The following SCFD2 variants were observed in gnomAD, a reference collection of about 807,000 sequenced individuals.
SCFD2 encodes the protein sec1 family domain-containing protein 2.
A neutral mutation model predicts 58.9 loss-of-function variants in SCFD2; 54 were observed. The observed-to-expected ratio is 0.92, with a 90% CI of 0.74 to 1.15. SCFD2 has a LOEUF of 1.15. Among genes scored for constraint, SCFD2 ranks in the 50% most tolerant of loss-of-function variants. The pLI is 0.00. For missense variants in SCFD2, 805 were observed against 836.6 expected, an observed-to-expected ratio of 0.96 and a Z score of 0.47; for synonymous variants, 321 against 335.9, an observed-to-expected ratio of 0.96 and a Z score of 0.49.
At chr4:52,986,432 C>T (rs998721573) in intron 5 of SCFD2, among the ~76,000 whole-genome samples, 19 of 149,960 alleles carry the variant, frequency 1.3e-4, no homozygotes, top group Non-Finnish European at 2.1e-4. Context: ...CTGGGTGTTA[C>T]AGGGGATGAA....
intron 2 of SCFD2, among the ~76,000 whole-genome samples, chr4:53,331,771 A>G (rs1321321841): frequency 6.6e-6 from 1 of 152,214 alleles, no homozygotes; most frequent in Non-Finnish European, 1.5e-5. Context: ...GGAAATAGAG[A>G]CACAAAAAAC....
intron 5 of SCFD2, among the ~76,000 whole-genome samples, chr4:53,094,172 C>A (rs1022508134): frequency 6.6e-6 from 1 of 152,026 alleles, no homozygotes; most frequent in Non-Finnish European, 1.5e-5. Flanking sequence ...AACTCTTAAC[C>A]AAAGTTCATC....
chr4:53,097,225 A>G (rs1306280900), intron 5 of SCFD2, among the ~76,000 whole-genome samples: 1 of 152,160 alleles, frequency 6.6e-6, no homozygotes, highest in African/African-American at 2.4e-5. Context: ...TATGAACTTT[A>G]AAGTTGTTTT....
chr4:53,104,320 T>C (rs1436146277), intron 5 of SCFD2, among the ~76,000 whole-genome samples: 1 of 152,166 alleles, frequency 6.6e-6, no homozygotes, highest in Non-Finnish European at 1.5e-5. Flanking sequence ...AAAATTTATA[T>C]CACCAATCTA....
intron 4 of SCFD2, among the ~76,000 whole-genome samples, chr4:53,209,297 G>A (rs2148978303): frequency 6.6e-6 from 1 of 152,278 alleles, no homozygotes; most frequent in Non-Finnish European, 1.5e-5. Context: ...TACACTAGAT[G>A]AGGGGGCGGC....
At chr4:53,122,845 T>C (rs1373313150) in intron 5 of SCFD2, among the ~76,000 whole-genome samples, 2 of 152,194 alleles carry the variant, frequency 1.3e-5, no homozygotes, top group East Asian at 3.8e-4. Context: ...TTCTAAATGT[T>C]TTCATGTTTA....
At chr4:53,046,251 C>G (rs1308586269) in intron 5 of SCFD2, among the ~76,000 whole-genome samples, 1 of 152,110 alleles carries the variant, frequency 6.6e-6, no homozygotes, top group Non-Finnish European at 1.5e-5. Context: ...GATGTGGTCT[C>G]ATTCTGTCAC....
intron 4 of SCFD2, among the ~76,000 whole-genome samples, chr4:53,215,866 T>C (rs1388602918): frequency 6.6e-6 from 1 of 152,110 alleles, no homozygotes; most frequent in Admixed American, 6.6e-5. Context: ...GGGCTGCTAA[T>C]TTTATCAAAG....
At chr4:52,967,586 C>T (rs1720990405) in intron 5 of SCFD2, among the ~76,000 whole-genome samples, 1 of 152,224 alleles carries the variant, frequency 6.6e-6, no homozygotes, top group African/African-American at 2.4e-5. Context: ...TGTAATGTCT[C>T]TCAGTTCCTG....
chr4:53,256,185 G>A (rs1418780342), intron 4 of SCFD2, among the ~76,000 whole-genome samples: 7 of 150,126 alleles, frequency 4.7e-5, no homozygotes, highest in African/African-American at 7.5e-5. Context: ...GCTGCCGGGC[G>A]GAGGGACTCC....
intron 1 of SCFD2, 139 bp downstream of exon 1, chr4:53,364,960 GAGATT>G (rs1734650063): frequency 7.4e-6 from 7 of 949,500 alleles, no homozygotes; most frequent in Non-Finnish European, 1.1e-5. Flanking sequence ...TAAACTCTGT[GAGATT>G]AGAGACCGTG....
At chr4:53,239,025 G>A (rs1729792786) in intron 4 of SCFD2, among the ~76,000 whole-genome samples, 1 of 151,934 alleles carries the variant, frequency 6.6e-6, no homozygotes. Context: ...GGAGGTGGAG[G>A]TTGTAGCGAG....
At chr4:53,103,535 G>A (rs1724889677) in intron 5 of SCFD2, among the ~76,000 whole-genome samples, 1 of 148,056 alleles carries the variant, frequency 6.8e-6, no homozygotes, top group African/African-American at 2.5e-5. Context: ...ATATTTTCAT[G>A]GTTTTTATAT....
At chr4:52,954,608 G>A (rs771081783) in intron 5 of SCFD2, among the ~76,000 whole-genome samples, 2 of 152,124 alleles carry the variant, frequency 1.3e-5, no homozygotes, top group Non-Finnish European at 2.9e-5. Context: ...CAAAAGCTCA[G>A]AAAAGCAGCA....
intron 4 of SCFD2, among the ~76,000 whole-genome samples, chr4:53,206,870 T>G (rs901338428): frequency 6.6e-6 from 1 of 152,098 alleles, no homozygotes; most frequent in Non-Finnish European, 1.5e-5. Context: ...TAACAGTGCC[T>G]GGTTGTCTTA....
chr4:53,300,835 G>C (rs1361698877), intron 3 of SCFD2, among the ~76,000 whole-genome samples: 2 of 152,178 alleles, frequency 1.3e-5, no homozygotes, highest in Non-Finnish European at 2.9e-5. Flanking sequence ...TGAGCAAGCT[G>C]CTCCTGAATG....
rs142352415 is a variant in SCFD2 at position 53,092,638 on chromosome 4, A to G, written c.1561+52695T>C. Reference sequence around the variant, plus strand: ...ATAAAGGAACTGATTGATATATGATATAAAAAGAACTATGGATATATGAAA... The same window carrying G: ...ATAAAGGAACTGATTGATATATGATGTAAAAAGAACTATGGATATATGAAA... On this transcript the variant is annotated intron_variant, in intron 5 of 8. Coordinates refer to ENST00000401642, the MANE Select transcript of SCFD2 (RefSeq NM_152540.4). 7.1e-3 allele frequency among the ~76,000 whole-genome samples: 1,078 copies of G among 152,296 alleles called. 4 individuals carry two copies. Among genetic ancestry groups the G allele is most frequent in the Non-Finnish European group, 0.012 (838 of 68,026 alleles).
At chr4:53,052,259 C>T (rs1247452009) in intron 5 of SCFD2, among the ~76,000 whole-genome samples, 6 of 152,216 alleles carry the variant, frequency 3.9e-5, no homozygotes, top group African/African-American at 1.4e-4. Flanking sequence ...TTGAGGGTTT[C>T]CTCCACCTTA....
chr4:53,139,466 G>A (rs1200093426), intron 5 of SCFD2, among the ~76,000 whole-genome samples: 3 of 135,318 alleles, frequency 2.2e-5, no homozygotes, highest in Non-Finnish European at 5.2e-5. Context: ...CCCCGTCTGG[G>A]AGGTGAGGAG....
Sources: allele counts gnomAD v4.1 joint callset (sites outside exome capture counted in the v4.1 genomes callset), GRCh38; gene constraint gnomAD v4.1.1; transcripts MANE v1.5; gene names NCBI Gene and HGNC (gene_info 2026-07-23, HGNC 2026-07-21).